SSBP3: variants seen among roughly 807,000 people sequenced by gnomAD.
SSBP3 encodes single stranded DNA binding protein 3.
SSBP3 carries 5 observed loss-of-function variants against 69.6 expected under a neutral mutation model. The observed-to-expected ratio is 0.07, with a 90% CI of 0.04 to 0.15. The LOEUF (loss-of-function observed/expected upper bound fraction) is 0.15. SSBP3 is among the 10% of genes least tolerant of loss of function. SSBP3 has a pLI of 1.00. For missense variants in SSBP3, 312 were observed against 534.0 expected (o/e 0.58, Z 4.10); for synonymous variants, 196 against 193.4 (o/e 1.01, Z -0.11).
At chr1:54,268,098 C>A (rs141237086) in intron 5 of SSBP3, among the ~76,000 whole-genome samples, 1 of 152,212 alleles carries the variant, frequency 6.6e-6, no homozygotes, top group Admixed American at 6.5e-5. Flanking sequence ...GTCCAGACAG[C>A]ACCCCTCTCT....
intron 4 of SSBP3, among the ~76,000 whole-genome samples, chr1:54,362,274 G>C (rs1244880188): frequency 1.3e-5 from 2 of 152,134 alleles, no homozygotes; most frequent in East Asian, 3.8e-4. Flanking sequence ...GGACCATCCT[G>C]GCAGCAAGCA....
At chr1:54,383,013 GAGAAAGAAAGAAAGAAA>G (rs1450246957) in intron 4 of SSBP3, among the ~76,000 whole-genome samples, 11 of 143,772 alleles carry the variant, frequency 7.7e-5, no homozygotes, top group South Asian at 2.2e-4. Flanking sequence ...AAGAGAGAGA[GAGAAAGAAAGAAAGAAA>G]AGAAAGAAAG....
intron 4 of SSBP3, among the ~76,000 whole-genome samples, chr1:54,388,635 G>A (rs1648256041): frequency 6.6e-6 from 1 of 152,230 alleles, no homozygotes; most frequent in South Asian, 2.1e-4. Context: ...TGCAGGTAAT[G>A]CCAGCTCAGA....
At chr1:54,367,130 T>C (rs567872343) in intron 4 of SSBP3, among the ~76,000 whole-genome samples, 1 of 152,318 alleles carries the variant, frequency 6.6e-6, no homozygotes, top group South Asian at 2.1e-4. Flanking sequence ...TGCTGGAGTC[T>C]GAGCTGGTTT....
chr1:54,251,943 T>C (rs1382264775), intron 7 of SSBP3, 83 bp from the exon 8 acceptor site: 20 of 1,190,792 alleles, frequency 1.7e-5, no homozygotes, highest in Non-Finnish European at 2.1e-5. Context: ...TCCCACCCAG[T>C]GCCCCGTGTG....
At chr1:54,240,186 T>C (rs1340144767) in intron 13 of SSBP3, among the ~76,000 whole-genome samples, 9 of 151,036 alleles carry the variant, frequency 6.0e-5, no homozygotes, top group Non-Finnish European at 1.3e-4. Flanking sequence ...GGGCTGGGTG[T>C]GGTGGCTCAT....
At chr1:54,309,632 T>A (rs1202858358) in intron 4 of SSBP3, among the ~76,000 whole-genome samples, 1 of 152,200 alleles carries the variant, frequency 6.6e-6, no homozygotes, top group Admixed American at 6.5e-5. Context: ...TGACACCACT[T>A]GGTAACTCAA....
Position 54,228,376 on chromosome 1 carries a change from GGTGAGCACCT to G in SSBP3, c.1036-30_1036-21del, listed in dbSNP as rs745952970. ...AGAATTCTGTGGAAAGAGGAGAGGA[GGTGAGCACCT>G]GTGTCCCCAACAACCTGCCCACACA... On this transcript the variant is annotated intron_variant, in intron 16 of 17. Transcript: ENST00000610401. 3 of 1,614,002 alleles carry G rather than the reference GGTGAGCACCT, an allele frequency of 1.9e-6. No individual in the cohort carries two copies. Among genetic ancestry groups the G allele is most frequent in the Non-Finnish European group, 1.7e-6 (2 of 1,179,892 alleles).
chr1:54,277,552 TTC>T (rs1231282639), intron 5 of SSBP3, among the ~76,000 whole-genome samples: 1 of 152,222 alleles, frequency 6.6e-6, no homozygotes, highest in Admixed American at 6.5e-5. Flanking sequence ...TCATTCACCT[TTC>T]TGAGTCTCAC....
chr1:54,227,739 G>A (rs1034711111), intron 17 of SSBP3, among the ~76,000 whole-genome samples: 8 of 152,246 alleles, frequency 5.3e-5, no homozygotes, highest in Non-Finnish European at 7.4e-5. Flanking sequence ...CACTACACCC[G>A]GCTAATTTTT....
At chr1:54,349,385 G>A (rs745873493) in intron 4 of SSBP3, among the ~76,000 whole-genome samples, 6 of 152,170 alleles carry the variant, frequency 3.9e-5, no homozygotes, top group African/African-American at 7.2e-5. Context: ...AACAACTGCC[G>A]GGCATCCAAT....
intron 5 of SSBP3, among the ~76,000 whole-genome samples, chr1:54,268,150 G>C (rs1645133368): frequency 6.6e-6 from 1 of 152,252 alleles, no homozygotes; most frequent in Non-Finnish European, 1.5e-5. Flanking sequence ...AGCCTGGAGA[G>C]GAAGAGATGG....
chr1:54,411,233 A>C (rs1354108965), upstream of SSBP3, among the ~76,000 whole-genome samples: 1 of 152,200 alleles, frequency 6.6e-6, no homozygotes, highest in Non-Finnish European at 1.5e-5. Flanking sequence ...TAATCTCAGC[A>C]CTTTGGGCTG....
chr1:54,291,597 C>T (rs770607467), intron 4 of SSBP3, among the ~76,000 whole-genome samples: 15 of 152,242 alleles, frequency 9.9e-5, no homozygotes, highest in South Asian at 4.1e-4. Context: ...AGTCAACCAG[C>T]GTCCTTTGGT....
chr1:54,242,341 G>C lies in SSBP3; in HGVS notation c.717-129C>G, dbSNP rs566961826. The stretch of plus-strand genomic sequence containing the variant: ...GTCCTTCCTACAGCCCTGCGGTTTA[G>C]AGCCTTCTGGCTCAGGGCAGTAATG... On this transcript the variant is annotated intron_variant, in intron 10 of 17. Transcript: ENST00000610401. 55 of 1,042,494 alleles carry C rather than the reference G, an allele frequency of 5.3e-5. No homozygotes were observed. In the South Asian group the frequency reaches 7.1e-4, roughly 13 times the overall value. 64.6% of individuals were successfully genotyped at this position (1,042,494 alleles called of 1,614,324 possible).
intron 4 of SSBP3, chr1:54,356,396 C>CAGTG (rs1257987206): frequency 1.3e-5 from 2 of 152,308 alleles, no homozygotes; most frequent in Non-Finnish European, 2.9e-5. Flanking sequence ...GGCCACGGCG[C>CAGTG]AGCAAACTTT....
upstream of SSBP3, among the ~76,000 whole-genome samples, chr1:54,410,487 C>A (rs1452675018): frequency 6.6e-6 from 1 of 152,194 alleles, no homozygotes; most frequent in Non-Finnish European, 1.5e-5. Context: ...TGCAAGCTCC[C>A]GCTGGGGGCT....
intron 14 of SSBP3, among the ~76,000 whole-genome samples, chr1:54,229,891 G>A (rs1644352803): frequency 6.6e-6 from 1 of 152,244 alleles, no homozygotes; most frequent in South Asian, 2.1e-4. Context: ...GGAGGACAGA[G>A]ATGCTGACTT....
At chr1:54,381,371 A>G (rs1236072049) in intron 4 of SSBP3, among the ~76,000 whole-genome samples, 2 of 133,538 alleles carry the variant, frequency 1.5e-5, no homozygotes, top group African/African-American at 2.8e-5. Context: ...CGACAGAGTG[A>G]TACACCATCT....
Sources: allele counts gnomAD v4.1 joint callset (sites outside exome capture counted in the v4.1 genomes callset), GRCh38; gene constraint gnomAD v4.1.1; transcripts MANE v1.5; gene names NCBI Gene and HGNC (gene_info 2026-07-23, HGNC 2026-07-21).